The following LINGO2 variants were observed in gnomAD, a reference collection of about 807,000 sequenced individuals.
The protein encoded by LINGO2 is leucine rich repeat and Ig domain containing 2, also known as leucine-rich repeat and immunoglobulin-like domain-containing nogo receptor-interacting protein 2.
In LINGO2, 14 loss-of-function variants were observed where a neutral mutation model predicts 30.6. That is an observed-to-expected ratio of 0.46 (90% CI 0.30 to 0.72). The LOEUF (loss-of-function observed/expected upper bound fraction) is 0.72, where lower values mean the gene tolerates loss of function less well. Among genes scored for constraint, LINGO2 ranks in the 30% least tolerant of loss-of-function variants. The pLI is 0.07. For synonymous variants in LINGO2, 317 were observed against 288.5 expected, an observed-to-expected ratio of 1.10 and a Z score of -1.00; for missense variants, 729 against 751.7, an observed-to-expected ratio of 0.97 and a Z score of 0.35.
the LINGO2 span, among the ~76,000 whole-genome samples, chr9:28,874,405 C>T: frequency 2.6e-5 from 4 of 151,924 alleles, no homozygotes; most frequent in African/African-American, 9.7e-5. Flanking sequence ...TTTAAAATAA[C>T]TAAAATTTAC....
At chr9:28,003,609 C>T (rs1052185792) in intron 5 of LINGO2, among the ~76,000 whole-genome samples, 3 of 152,096 alleles carry the variant, frequency 2.0e-5, no homozygotes, top group African/African-American at 7.2e-5. Context: ...CTACAGGCGC[C>T]TGCCACCACA....
intron 3 of LINGO2, among the ~76,000 whole-genome samples, chr9:28,328,551 T>C (rs1825309908): frequency 7.6e-6 from 1 of 131,434 alleles, no homozygotes; most frequent in Admixed American, 7.7e-5. Flanking sequence ...AAAAAGTCCA[T>C]CTTTGAAAAA....
chr9:28,768,058 C>T, the LINGO2 span, among the ~76,000 whole-genome samples: 1 of 152,048 alleles, frequency 6.6e-6, no homozygotes, highest in Non-Finnish European at 1.5e-5. Flanking sequence ...TTTAATTGTA[C>T]CATATTATTT....
chr9:28,677,167 C>T, the LINGO2 span, among the ~76,000 whole-genome samples: 1 of 152,094 alleles, frequency 6.6e-6, no homozygotes, highest in African/African-American at 2.4e-5. Context: ...GATTAACTAA[C>T]CAGGCAAGTA....
intron 5 of LINGO2, among the ~76,000 whole-genome samples, chr9:27,990,390 C>A (rs916252151): frequency 6.6e-6 from 1 of 151,576 alleles, no homozygotes; most frequent in African/African-American, 2.4e-5. Context: ...TGTTCCTCAG[C>A]ACATTGGATA....
At position 28,222,206 on chromosome 9, in the gene LINGO2, A is replaced by G. The variant is rs191897023; in HGVS notation, c.-87+73002T>C. 7.5e-4 allele frequency among the ~76,000 whole-genome samples: 114 copies of G among 152,314 alleles called. 1 individual carries two copies. Among genetic ancestry groups the G allele is most frequent in the African/African-American group, 2.6e-3 (107 of 41,578 alleles). On this transcript the variant is annotated intron_variant, in intron 4 of 5. Transcript: ENST00000379992. ...AAATATTTCCCATTCAGTAATTCTG[A>G]ATTCAACTGTGATAAAAATGTGGCA...
chr9:28,821,470 T>C, the LINGO2 span, among the ~76,000 whole-genome samples: 1 of 152,208 alleles, frequency 6.6e-6, no homozygotes, highest in Non-Finnish European at 1.5e-5. Flanking sequence ...AATTTATTCA[T>C]ACAGATCACG....
chr9:28,631,722 G>A (rs888233875), intron 1 of LINGO2, among the ~76,000 whole-genome samples: 7 of 152,034 alleles, frequency 4.6e-5, no homozygotes, highest in African/African-American at 9.7e-5. Flanking sequence ...CCCAAGTGCC[G>A]CCTTATACCT....
At chr9:28,290,042 T>C (rs1013089832) in intron 4 of LINGO2, among the ~76,000 whole-genome samples, 1 of 152,198 alleles carries the variant, frequency 6.6e-6, no homozygotes. Flanking sequence ...CTTTCTAGTG[T>C]TGCCCTGGTG....
the LINGO2 span, among the ~76,000 whole-genome samples, chr9:28,709,022 C>T: frequency 6.6e-6 from 1 of 152,034 alleles, no homozygotes; most frequent in Non-Finnish European, 1.5e-5. Flanking sequence ...TTTTCCTCTC[C>T]CACATGTCTT....
At chr9:28,086,161 A>G (rs376469483) in intron 4 of LINGO2, among the ~76,000 whole-genome samples, 1 of 152,228 alleles carries the variant, frequency 6.6e-6, no homozygotes, top group East Asian at 1.9e-4. Context: ...ATGTCATACT[A>G]CAAGCATATA....
chr9:29,129,186 C>T, the LINGO2 span, among the ~76,000 whole-genome samples: 62 of 152,110 alleles, frequency 4.1e-4, no homozygotes, highest in African/African-American at 1.5e-3. Flanking sequence ...GGCAAAAATA[C>T]CTATGTATTT....
chr9:27,975,883 T>C (rs117883713), intron 5 of LINGO2, among the ~76,000 whole-genome samples: 2,534 of 152,228 alleles, frequency 0.017, 112 homozygotes, highest in East Asian at 0.16. Flanking sequence ...TTGTGTTACA[T>C]TTTCACATTT....
intron 4 of LINGO2, among the ~76,000 whole-genome samples, chr9:28,279,657 A>G (rs945383911): frequency 6.6e-6 from 1 of 152,170 alleles, no homozygotes; most frequent in Admixed American, 6.5e-5. Flanking sequence ...ATAATTTTGT[A>G]TGCACTAGGA....
At chr9:28,678,554 C>T in the LINGO2 span, among the ~76,000 whole-genome samples, 9 of 152,200 alleles carry the variant, frequency 5.9e-5, no homozygotes, top group African/African-American at 2.2e-4. Context: ...TGCTAGACTG[C>T]ATGATGTTAG....
At chr9:28,631,632 G>T (rs1030679272) in intron 1 of LINGO2, among the ~76,000 whole-genome samples, 1 of 152,090 alleles carries the variant, frequency 6.6e-6, no homozygotes, top group Non-Finnish European at 1.5e-5. Context: ...ACTTTAATAG[G>T]AAGAGAGAAC....
chr9:28,267,091 G>A (rs1032575845), intron 4 of LINGO2, among the ~76,000 whole-genome samples: 3 of 151,164 alleles, frequency 2.0e-5, no homozygotes, highest in South Asian at 4.2e-4. Context: ...TGTGTAGGCC[G>A]AGGAGGATGA....
rs1244031761 is a variant in LINGO2, at chr9:27,991,189, A to G, written c.-36+21166T>C. On this transcript the variant is annotated intron_variant, in intron 5 of 5. Coordinates refer to ENST00000379992, the Ensembl canonical transcript of LINGO2. ...TCAAAGCACTTAGATTCAGGTACTC[A>G]CACTACTACATAAGGACTCTGGTTG... 2.6e-5 allele frequency among the ~76,000 whole-genome samples: 4 copies of G among 152,176 alleles called. No homozygotes were observed. The East Asian group carries it at 5.8e-4, about 22-fold the overall frequency.
At chr9:28,401,604 A>G (rs1822268343) in intron 2 of LINGO2, among the ~76,000 whole-genome samples, 1 of 152,100 alleles carries the variant, frequency 6.6e-6, no homozygotes, top group Non-Finnish European at 1.5e-5. Context: ...ATATGTGTGT[A>G]TGTGTCTTTA....
Sources: gnomAD v4.1 joint callset for allele counts (sites outside exome capture counted in the v4.1 genomes callset) on GRCh38, gnomAD v4.1.1 for gene constraint, MANE v1.5 for transcripts, NCBI Gene and HGNC (gene_info 2026-07-23, HGNC 2026-07-21) for gene names.